The following SORCS2 variants were observed in gnomAD, a reference collection of about 807,000 sequenced individuals.
The protein encoded by SORCS2 is sortilin related VPS10 domain containing receptor 2.
A neutral mutation model predicts 141.6 loss-of-function variants in SORCS2; 100 were observed. The observed-to-expected ratio is 0.71, with a 90% CI of 0.60 to 0.83. The LOEUF is 0.83. Ranked by LOEUF, SORCS2 falls within the 40% of genes least tolerant of loss-of-function variation. SORCS2 has a pLI of 0.00. For synonymous variants in SORCS2, 789 were observed against 676.9 expected (o/e 1.17, Z -2.57); for missense variants, 1,646 against 1,560.2 (o/e 1.05, Z -0.93).
At chr4:7,285,281 C>T (rs531304749) in intron 1 of SORCS2, among the ~76,000 whole-genome samples, 108 of 152,324 alleles carry the variant, frequency 7.1e-4, no homozygotes, top group African/African-American at 2.2e-3. Context: ...GATCCACCCA[C>T]CTCGGCCTCC....
At chr4:7,389,588 C>A (rs1258687156) in intron 1 of SORCS2, among the ~76,000 whole-genome samples, 1 of 152,176 alleles carries the variant, frequency 6.6e-6, no homozygotes, top group Non-Finnish European at 1.5e-5. Context: ...TGTGTGCCGG[C>A]CCTGGTGAGG....
At chr4:7,447,320 C>T (rs2109276782) in intron 2 of SORCS2, among the ~76,000 whole-genome samples, 1 of 152,256 alleles carries the variant, frequency 6.6e-6, no homozygotes, top group East Asian at 1.9e-4. Flanking sequence ...TGCCTCCGTG[C>T]CTTGCCTTGT....
intron 1 of SORCS2, among the ~76,000 whole-genome samples, chr4:7,216,238 C>T (rs1239185919): frequency 4.6e-5 from 7 of 152,168 alleles, no homozygotes; most frequent in East Asian, 1.9e-4. Flanking sequence ...CCACCAATTC[C>T]GGACACAAAA....
intron 1 of SORCS2, among the ~76,000 whole-genome samples, chr4:7,371,116 C>T (rs901196500): frequency 6.6e-6 from 1 of 152,236 alleles, no homozygotes; most frequent in Non-Finnish European, 1.5e-5. Flanking sequence ...GAGCACTTCA[C>T]ATGGAGAGTT....
chr4:7,272,637 G>A (rs1336312265), intron 1 of SORCS2, among the ~76,000 whole-genome samples: 1 of 152,230 alleles, frequency 6.6e-6, no homozygotes, highest in Non-Finnish European at 1.5e-5. Flanking sequence ...GCTGGCCTGG[G>A]AAGCATCTTG....
intron 3 of SORCS2, among the ~76,000 whole-genome samples, chr4:7,560,727 C>T (rs1268401007): frequency 6.6e-6 from 1 of 152,174 alleles, no homozygotes; most frequent in South Asian, 2.1e-4. Flanking sequence ...TACCCATCCT[C>T]AAGCCTGCTG....
At chr4:7,480,812 C>T (rs948043700) in intron 2 of SORCS2, among the ~76,000 whole-genome samples, 2 of 152,266 alleles carry the variant, frequency 1.3e-5, no homozygotes, top group Non-Finnish European at 2.9e-5. Flanking sequence ...GGAGGCTTGG[C>T]TGGGACAGGA....
intron 1 of SORCS2, among the ~76,000 whole-genome samples, chr4:7,319,704 A>T (rs1718778976): frequency 6.6e-6 from 1 of 152,154 alleles, no homozygotes; most frequent in South Asian, 2.1e-4. Flanking sequence ...ACAAAGTAAG[A>T]CCCCACCTCT....
chr4:7,556,995 C>T (rs1318398834), intron 3 of SORCS2, among the ~76,000 whole-genome samples: 2 of 150,892 alleles, frequency 1.3e-5, no homozygotes, highest in Non-Finnish European at 3.0e-5. Flanking sequence ...ATCCGTCCAT[C>T]TATCCATTTA....
chr4:7,489,562 A>G (rs961723007), intron 2 of SORCS2, among the ~76,000 whole-genome samples: 1 of 152,130 alleles, frequency 6.6e-6, no homozygotes, highest in Non-Finnish European at 1.5e-5. Context: ...GTTATCTGGT[A>G]TCTGGATATC....
chr4:7,262,258 C>A (rs555037622), intron 1 of SORCS2, among the ~76,000 whole-genome samples: 9 of 149,204 alleles, frequency 6.0e-5, no homozygotes, highest in African/African-American at 2.0e-4. Context: ...ATCCACCCAC[C>A]TATCCATCCA....
intron 2 of SORCS2, among the ~76,000 whole-genome samples, chr4:7,403,987 ATATATATATATTTTTT>A (rs1169128039): frequency 0.043 from 944 of 22,138 alleles, 23 homozygotes; most frequent in African/African-American, 0.088. Context: ...ATATATATAT[ATATATATATATTTTTT>A]TTTTTTTTTT....
chr4:7,578,210 C>G (rs1323942269), intron 3 of SORCS2, among the ~76,000 whole-genome samples: 1 of 152,222 alleles, frequency 6.6e-6, no homozygotes, highest in African/African-American at 2.4e-5. Context: ...ATTTCTACTT[C>G]TATTTCCACC....
At chr4:7,249,141 G>A (rs970376417) in intron 1 of SORCS2, among the ~76,000 whole-genome samples, 1 of 152,208 alleles carries the variant, frequency 6.6e-6, no homozygotes. Flanking sequence ...CCCCTGAATA[G>A]TTCTTGCTTG....
chr4:7,550,986 G>C (rs546719046), intron 3 of SORCS2, among the ~76,000 whole-genome samples: 5 of 152,280 alleles, frequency 3.3e-5, no homozygotes, highest in African/African-American at 1.2e-4. Context: ...TCAAAGCCAG[G>C]CTTGGTTTAC....
At chr4:7,418,084 C>T (rs1435104677) in intron 2 of SORCS2, among the ~76,000 whole-genome samples, 1 of 152,200 alleles carries the variant, frequency 6.6e-6, no homozygotes, top group African/African-American at 2.4e-5. Context: ...TACGCTGTCA[C>T]TTCTTCCTCC....
In SORCS2 at chr4:7,741,259, C is replaced by A. The variant is rs1347527066; in HGVS notation, c.*995C>A. On this transcript the variant is annotated 3_prime_UTR_variant, in exon 27 of 27. Transcript: ENST00000507866. ...GCTGAGGATGGCAGGGCTGGAAGGG[C>A]CATCAGCGTGACCCTCATTTTCAAG... The A allele has an allele frequency of 7.5e-6, 3 of 398,752 alleles. No individual in the cohort carries two copies. The highest frequency in any genetic ancestry group is 1.3e-5 in the Non-Finnish European group (3 of 226,156). The allele number at this position is 398,752 out of a possible 1,614,324, so 24.7% of individuals were successfully genotyped here.
chr4:7,275,628 G>GT (rs1431869431), intron 1 of SORCS2, among the ~76,000 whole-genome samples: 2 of 152,160 alleles, frequency 1.3e-5, no homozygotes, highest in Admixed American at 1.3e-4. Context: ...GTTGCTGCTT[G>GT]TGTACCTGGT....
chr4:7,739,742 C>G (rs1712496757), intron 26 of SORCS2, among the ~76,000 whole-genome samples: 1 of 152,140 alleles, frequency 6.6e-6, no homozygotes, highest in South Asian at 2.1e-4. Flanking sequence ...TGACTCCTAA[C>G]CAGCCCCCAC....
Sources: allele counts gnomAD v4.1 joint callset (sites outside exome capture counted in the v4.1 genomes callset), GRCh38; gene constraint gnomAD v4.1.1; transcripts MANE v1.5; gene names NCBI Gene and HGNC (gene_info 2026-07-23, HGNC 2026-07-21).